The following HS3ST2 variants were observed in gnomAD, a reference collection of about 807,000 sequenced individuals.
HS3ST2 encodes the protein heparan sulfate-glucosamine 3-sulfotransferase 2.
A neutral mutation model predicts 26.3 loss-of-function variants in HS3ST2; 17 were observed. The ratio of observed to expected loss-of-function variants is 0.65; its 90% CI spans 0.44 to 0.97. The LOEUF (loss-of-function observed/expected upper bound fraction) is 0.97. Ranked by LOEUF, HS3ST2 falls within the 50% of genes least tolerant of loss-of-function variation. HS3ST2 has a pLI of 0.00. For synonymous variants in HS3ST2, 237 were observed against 219.2 expected, an observed-to-expected ratio of 1.08 and a Z score of -0.72; for missense variants, 402 against 501.2, an observed-to-expected ratio of 0.80 and a Z score of 1.89.
intron 1 of HS3ST2, among the ~76,000 whole-genome samples, chr16:22,882,338 G>A (rs1388092669): frequency 6.6e-6 from 1 of 152,054 alleles, no homozygotes; most frequent in African/African-American, 2.4e-5. Flanking sequence ...CTCCAGTCTG[G>A]GCAACACAGC....
chr16:22,818,656 TTTCCTTCC>T (rs934250632), intron 1 of HS3ST2, among the ~76,000 whole-genome samples: 1 of 146,144 alleles, frequency 6.8e-6, no homozygotes, highest in East Asian at 2.1e-4. Flanking sequence ...CCCTTCTCCT[TTTCCTTCC>T]TTCCTTCCTT....
chr16:22,837,511 GTATATATATACACA>G (rs988761544), intron 1 of HS3ST2, among the ~76,000 whole-genome samples: 3 of 142,686 alleles, frequency 2.1e-5, no homozygotes, highest in Non-Finnish European at 4.5e-5. Flanking sequence ...ATATATATGT[GTATATATATACACA>G]TATATATACA....
At chr16:22,855,680 GTC>G (rs948322542) in intron 1 of HS3ST2, among the ~76,000 whole-genome samples, 8 of 110,208 alleles carry the variant, frequency 7.3e-5, no homozygotes, top group Non-Finnish European at 1.6e-4. Context: ...CTCTCTGTCT[GTC>G]TCTCTGTCTC....
Position 22,814,815 on chromosome 16 carries a change from A to G in HS3ST2, c.205A>G (p.Lys69Glu). The change falls in exon 1 of 2, where the codon AAG becomes GAG. Residue 69 changes from lysine (K) to glutamate (E), a missense_variant. Physicochemically the swap from Lys to Glu is moderately conservative, Grantham distance 56. Coordinates refer to ENST00000261374, the MANE Select transcript of HS3ST2 (RefSeq NM_006043.2). Reference sequence around the variant, plus strand: ...CGCGGGCGGCCAGAAACTTCTCCAGAAGTCCCGCCCCTGTGATCCCTCCGG... The same window carrying G: ...CGCGGGCGGCCAGAAACTTCTCCAGGAGTCCCGCCCCTGTGATCCCTCCGG... Reference protein sequence around the residue: ...PSAGGQKLLQKSRPCDPSGPT... With the variant: ...PSAGGQKLLQESRPCDPSGPT... 6.3e-7 allele frequency: 1 copy of G among 1,581,920 alleles called. No homozygotes were observed. Among genetic ancestry groups the G allele is most frequent in the South Asian group, 1.1e-5 (1 of 87,450 alleles).
In HS3ST2 at chr16:22,857,955, G is replaced by A. The variant is rs375884065; in HGVS notation, c.485+42860G>A. On this transcript the variant is annotated intron_variant, in intron 1 of 1. Coordinates refer to ENST00000261374, the MANE Select transcript of HS3ST2 (RefSeq NM_006043.2). ...AAGGAGAGATGTGAGAGATTCTTAA[G>A]TAGGATAGCTTTTGCGGTGGTTGTT... Among the ~76,000 whole-genome samples the A allele has an allele frequency of 1.7e-4, 26 of 152,276 alleles. No homozygotes were observed. In the South Asian group the frequency reaches 4.8e-3, roughly 28 times the overall value.
intron 1 of HS3ST2, among the ~76,000 whole-genome samples, chr16:22,853,514 C>T (rs1901547099): frequency 6.6e-6 from 1 of 152,176 alleles, no homozygotes; most frequent in Non-Finnish European, 1.5e-5. Flanking sequence ...GGAACTTGAA[C>T]ATAGGCATCT....
At chr16:22,818,956 T>C (rs1340726021) in intron 1 of HS3ST2, among the ~76,000 whole-genome samples, 23 of 62,412 alleles carry the variant, frequency 3.7e-4, no homozygotes, top group African/African-American at 1.2e-3. Context: ...CCTTCCTTCC[T>C]TCCTTCCTTC....
At chr16:22,838,471 C>G (rs1027450087) in intron 1 of HS3ST2, among the ~76,000 whole-genome samples, 2 of 152,092 alleles carry the variant, frequency 1.3e-5, no homozygotes, top group African/African-American at 4.8e-5. Flanking sequence ...AAATCATAGA[C>G]CACAAACGGC....
chr16:22,822,604 A>C (rs1901010783), intron 1 of HS3ST2, among the ~76,000 whole-genome samples: 1 of 152,236 alleles, frequency 6.6e-6, no homozygotes, highest in Non-Finnish European at 1.5e-5. Context: ...CTGTAATCCC[A>C]GCACTTTGGG....
chr16:22,867,835 A>G (rs1901778131), intron 1 of HS3ST2, among the ~76,000 whole-genome samples: 1 of 152,230 alleles, frequency 6.6e-6, no homozygotes, highest in Non-Finnish European at 1.5e-5. Flanking sequence ...TAAAGGGTAT[A>G]TGCCTATTTA....
At chr16:22,857,249 A>T (rs912269205) in intron 1 of HS3ST2, among the ~76,000 whole-genome samples, 4 of 152,228 alleles carry the variant, frequency 2.6e-5, no homozygotes, top group Non-Finnish European at 4.4e-5. Context: ...TTTTAAACAC[A>T]AGTCAGTATG....
intron 1 of HS3ST2, among the ~76,000 whole-genome samples, chr16:22,912,826 T>C (rs1226073225): frequency 6.6e-6 from 1 of 152,030 alleles, no homozygotes. Context: ...GCCATGGCAA[T>C]GGTAAGCTGA....
At chr16:22,855,124 A>G (rs1901571208) in intron 1 of HS3ST2, among the ~76,000 whole-genome samples, 2 of 152,162 alleles carry the variant, frequency 1.3e-5, no homozygotes, top group Non-Finnish European at 2.9e-5. Flanking sequence ...TCATTTTCCA[A>G]ACCACATTTT....
At chr16:22,849,415 A>G (rs1051252973) in intron 1 of HS3ST2, among the ~76,000 whole-genome samples, 1 of 152,240 alleles carries the variant, frequency 6.6e-6, no homozygotes, top group Non-Finnish European at 1.5e-5. Flanking sequence ...ATATGGAAAT[A>G]CTATCTTTTT....
At chr16:22,838,516 A>G (rs566380983) in intron 1 of HS3ST2, among the ~76,000 whole-genome samples, 8 of 152,214 alleles carry the variant, frequency 5.3e-5, no homozygotes, top group South Asian at 2.1e-4. Context: ...ATTTAGTTCA[A>G]TCCAGGTGTA....
chr16:22,815,224 C>A, intron 1 of HS3ST2, 129 bp downstream of exon 1: 1 of 1,202,052 alleles, frequency 8.3e-7, no homozygotes, highest in Non-Finnish European at 1.2e-6. Flanking sequence ...ACACACAGGG[C>A]CATGGGGGGC....
At chr16:22,833,169 T>G in intron 1 of HS3ST2, 1 of 454,434 alleles carries the variant, frequency 2.2e-6, no homozygotes. Flanking sequence ...GAGTAGCCAT[T>G]AAAACCTGGC....
chr16:22,861,499 G>A (rs1279468208), intron 1 of HS3ST2, among the ~76,000 whole-genome samples: 1 of 151,878 alleles, frequency 6.6e-6, no homozygotes, highest in Non-Finnish European at 1.5e-5. Flanking sequence ...GAAGCTGGAG[G>A]AGCCACCATC....
At chr16:22,837,524 C>T (rs967001364) in intron 1 of HS3ST2, among the ~76,000 whole-genome samples, 27 of 143,004 alleles carry the variant, frequency 1.9e-4, no homozygotes, top group African/African-American at 6.5e-4. Flanking sequence ...TATATATACA[C>T]ATATATATAC....
Sources: allele counts gnomAD v4.1 joint callset (sites outside exome capture counted in the v4.1 genomes callset), GRCh38; gene constraint gnomAD v4.1.1; transcripts MANE v1.5; gene names NCBI Gene and HGNC (gene_info 2026-07-23, HGNC 2026-07-21).